Variants in CHIC1 observed in about 807,000 individuals in gnomAD.
The protein encoded by CHIC1 is cysteine rich hydrophobic domain 1, also known as cysteine-rich hydrophobic domain-containing protein 1.
CHIC1 carries 7 observed loss-of-function variants against 18.5 expected under a neutral mutation model. That is an observed-to-expected ratio of 0.38 (90% CI 0.22 to 0.71). The LOEUF is 0.71. CHIC1 is among the 30% of genes least tolerant of loss of function. The pLI, the probability that CHIC1 is intolerant of heterozygous loss-of-function variation, is 0.49. For missense variants in CHIC1, 159 were observed against 176.9 expected, an observed-to-expected ratio of 0.90 and a Z score of 0.57; for synonymous variants, 77 against 73.5, an observed-to-expected ratio of 1.05 and a Z score of -0.25.
At chrX:73,669,746 C>T (rs1314432725) in intron 3 of CHIC1, among the ~76,000 whole-genome samples, 2 of 112,055 alleles carry the variant, frequency 1.8e-5, no homozygotes, top group Admixed American at 9.4e-5. Flanking sequence ...ACAGCTGAGT[C>T]GACCAAATGG....
At chrX:73,674,876 C>T (rs2058053175) in intron 3 of CHIC1, among the ~76,000 whole-genome samples, 1 of 111,614 alleles carries the variant, frequency 9.0e-6, no homozygotes, top group Non-Finnish European at 1.9e-5. Flanking sequence ...GCATTTAGTG[C>T]TATAAATTTC....
intron 3 of CHIC1, among the ~76,000 whole-genome samples, chrX:73,667,038 A>G (rs1215946291): frequency 8.9e-6 from 1 of 112,093 alleles, no homozygotes; most frequent in Non-Finnish European, 1.9e-5. Flanking sequence ...GTGCTAGTGT[A>G]TTGGTTGCAT....
intron 3 of CHIC1, among the ~76,000 whole-genome samples, chrX:73,645,971 G>A (rs2057887404): frequency 9.0e-6 from 1 of 111,674 alleles, no homozygotes; most frequent in Admixed American, 9.5e-5. Context: ...CCAGACCAGT[G>A]TCATGGAGTT....
intron 3 of CHIC1, among the ~76,000 whole-genome samples, chrX:73,671,950 T>G (rs755646236): frequency 1.1e-3 from 119 of 110,740 alleles, no homozygotes; most frequent in African/African-American, 3.7e-3. Flanking sequence ...CCCCGGTGTG[T>G]GATGTTCCCC....
chrX:73,636,159 G>T (rs1397784548), intron 3 of CHIC1, among the ~76,000 whole-genome samples: 1 of 111,791 alleles, frequency 8.9e-6, no homozygotes, highest in Non-Finnish European at 1.9e-5. Context: ...TCTGACATTA[G>T]TGTATTTATT....
chrX:73,584,339 A>G lies in CHIC1; in HGVS notation c.352-78A>G. On this transcript the variant is annotated intron_variant, in intron 2 of 5. Coordinates refer to ENST00000373502, the MANE Select transcript of CHIC1 (RefSeq NM_001039840.4). ...ATTTGTGATTCCTTAAATTATTTGT[A>G]ATAAATGTTTTTCTTAGATTTAGAG... 4 of 864,622 alleles carry G rather than the reference A, an allele frequency of 4.6e-6. No individual in the cohort carries two copies. In the Middle Eastern group the frequency reaches 8.8e-4, roughly 190 times the overall value. The allele number at this position is 864,622 out of a possible 1,213,427, so 71.3% of individuals were successfully genotyped here.
At chrX:73,607,756 C>G (rs778119832) in intron 3 of CHIC1, among the ~76,000 whole-genome samples, 1 of 107,968 alleles carries the variant, frequency 9.3e-6, no homozygotes, top group Non-Finnish European at 1.9e-5. Context: ...TTCCCTGACC[C>G]CTTGTGCTTC....
At chrX:73,581,583 A>G (rs2057527588) in intron 2 of CHIC1, among the ~76,000 whole-genome samples, 1 of 111,292 alleles carries the variant, frequency 9.0e-6, no homozygotes, top group African/African-American at 3.2e-5. Context: ...GCTCAGATAC[A>G]GATTTCTTTC....
At chrX:73,581,923 T>A (rs1260435209) in intron 2 of CHIC1, among the ~76,000 whole-genome samples, 1 of 110,729 alleles carries the variant, frequency 9.0e-6, no homozygotes, top group Non-Finnish European at 1.9e-5. Flanking sequence ...AACATACAAT[T>A]TATTTTATTC....
Position 73,657,688 on chromosome X carries a change from T to C in CHIC1, c.508-21638T>C, listed in dbSNP as rs755344087. Among the ~76,000 whole-genome samples, 21 of 112,068 alleles carry C rather than the reference T, an allele frequency of 1.9e-4. No individual in the cohort carries two copies. In the South Asian group the frequency reaches 7.8e-3, roughly 42 times the overall value. On this transcript the variant is annotated intron_variant, in intron 3 of 5. Transcript: ENST00000373502. ...GGAATGGTGAGGGGGCATTCTTGTGTTTTCCCAATTTTCAAGGAGAATGCT... is the reference window on the plus strand; with the variant it reads ...GGAATGGTGAGGGGGCATTCTTGTGCTTTCCCAATTTTCAAGGAGAATGCT...
At chrX:73,577,546 T>C (rs1418776642) in intron 2 of CHIC1, 85 bp downstream of exon 2, 3 of 752,997 alleles carry the variant, frequency 4.0e-6, no homozygotes, top group Non-Finnish European at 6.0e-6. Context: ...CTTTGAATCA[T>C]TGTTAATGAA....
intron 3 of CHIC1, among the ~76,000 whole-genome samples, chrX:73,585,576 C>T (rs1032464759): frequency 9.0e-6 from 1 of 111,101 alleles, no homozygotes; most frequent in Non-Finnish European, 1.9e-5. Context: ...ATTGTCATAT[C>T]TTACTTTTAA....
chrX:73,659,486 A>C (rs2057969136), intron 3 of CHIC1, among the ~76,000 whole-genome samples: 1 of 106,038 alleles, frequency 9.4e-6, no homozygotes, highest in Non-Finnish European at 1.9e-5. Flanking sequence ...GCACGTTCTA[A>C]GGTGGTAAGA....
At chrX:73,638,688 T>A (rs774434671) in intron 3 of CHIC1, among the ~76,000 whole-genome samples, 6 of 111,160 alleles carry the variant, frequency 5.4e-5, no homozygotes, top group Non-Finnish European at 7.6e-5. Context: ...CTACCCTCCT[T>A]CCTCAAGTAG....
At chrX:73,654,204 A>G (rs1319872020) in intron 3 of CHIC1, among the ~76,000 whole-genome samples, 1 of 112,031 alleles carries the variant, frequency 8.9e-6, no homozygotes, top group Non-Finnish European at 1.9e-5. Flanking sequence ...TTTTTGAGAT[A>G]TATTTCTTCT....
Position 73,599,952 on chromosome X carries a change from T to A in CHIC1, c.507+15380T>A, listed in dbSNP as rs202053811. On this transcript the variant is annotated intron_variant, in intron 3 of 5. Coordinates refer to ENST00000373502, the MANE Select transcript of CHIC1 (RefSeq NM_001039840.4). ...ATGGCCATTTTCACGATATTGATTC[T>A]TCCTACCCATGAGCATGGAATGTTC... 5.2e-3 allele frequency among the ~76,000 whole-genome samples: 500 copies of A among 96,799 alleles called. 22 individuals are homozygous for A. The East Asian group carries it at 0.11, about 21-fold the overall frequency. 84.1% of individuals were successfully genotyped at this position (96,799 alleles called of 115,157 possible). A position where few individuals can be genotyped will look rare whatever the true frequency, so the allele number is the denominator to read the frequency against.
intron 3 of CHIC1, among the ~76,000 whole-genome samples, chrX:73,605,862 A>G (rs112432247): frequency 0.18 from 19,214 of 108,000 alleles, 1,976 homozygotes; most frequent in African/African-American, 0.27. Context: ...AGAGAGATCT[A>G]CTATTAGTCT....
chrX:73,658,977 G>A (rs1005064777), intron 3 of CHIC1, among the ~76,000 whole-genome samples: 4 of 111,884 alleles, frequency 3.6e-5, no homozygotes, highest in African/African-American at 1.3e-4. Flanking sequence ...GCCACCCACA[G>A]ACACTGAGGA....
At position 73,659,757 on chromosome X, in the gene CHIC1, T is replaced by C. The variant is rs375395109; in HGVS notation, c.508-19569T>C. Among the ~76,000 whole-genome samples, 6 of 111,189 alleles carry C rather than the reference T, an allele frequency of 5.4e-5. No individual in the cohort carries two copies. In the East Asian group the frequency reaches 1.7e-3, roughly 32 times the overall value. The stretch of plus-strand genomic sequence containing the variant: ...GTGTGATTATGAAAAAATGTCATAG[T>C]GTAATTGTGACTGGAATTATATGTC... On this transcript the variant is annotated intron_variant, in intron 3 of 5. Transcript: ENST00000373502.
Sources: allele counts gnomAD v4.1 joint callset (sites outside exome capture counted in the v4.1 genomes callset), GRCh38; gene constraint gnomAD v4.1.1; transcripts MANE v1.5; gene names NCBI Gene and HGNC (gene_info 2026-07-23, HGNC 2026-07-21).